Variants in ERC1 observed in about 807,000 individuals in gnomAD.
ERC1 encodes the protein RAB6 interacting protein 2.
In ERC1, 56 loss-of-function variants were observed where a neutral mutation model predicts 132.0. The observed-to-expected ratio is 0.42, with a 90% CI of 0.34 to 0.53. The LOEUF is 0.53. Ranked by LOEUF, ERC1 falls within the 20% of genes least tolerant of loss-of-function variation. The pLI is 0.03. For synonymous variants in ERC1, 478 were observed against 476.1 expected (o/e 1.00, Z -0.05); for missense variants, 1,202 against 1,349.9 (o/e 0.89, Z 1.72).
At chr12:1,083,808 C>T (rs77060400) in intron 3 of ERC1, among the ~76,000 whole-genome samples, 1,714 of 152,184 alleles carry the variant, frequency 0.011, 25 homozygotes, top group African/African-American at 0.039. Flanking sequence ...TCTTTTCTCT[C>T]CTGCTCCCCT....
At chr12:997,345 C>T (rs561747593) in intron 1 of ERC1, among the ~76,000 whole-genome samples, 2 of 152,260 alleles carry the variant, frequency 1.3e-5, no homozygotes, top group Admixed American at 6.5e-5. Context: ...GTGGAAAGTA[C>T]GAACATATGT....
intron 18 of ERC1, among the ~76,000 whole-genome samples, chr12:1,467,114 T>C (rs180740478): frequency 6.4e-4 from 98 of 152,368 alleles, no homozygotes; most frequent in Non-Finnish European, 1.2e-3. Context: ...TAGTTTTTAA[T>C]GTTATCAGAC....
chr12:1,083,453 G>A lies in ERC1; in HGVS notation c.959G>A (p.Gly320Glu). Residue 320 changes from glycine to glutamate, a missense_variant, in exon 3 of 19, where the codon GGA (glycine) becomes GAA (glutamate). Transcript: ENST00000360905. ...CTTCTGGAAATGTTGCAGAGCAAAG[G>A]ACTTTCTGCCAAGGCTACCGAGGAA... ...KKLLEMLQSK[G>E]LSAKATEEDH... 3 of 1,614,176 alleles carry A rather than the reference G, an allele frequency of 1.9e-6. No individual in the cohort carries two copies. The highest frequency in any genetic ancestry group is 2.5e-6 in the Non-Finnish European group (3 of 1,180,024).
At chr12:1,093,892 TATATATAA>T (rs2154193451) in intron 3 of ERC1, among the ~76,000 whole-genome samples, 2 of 143,858 alleles carry the variant, frequency 1.4e-5, no homozygotes, top group East Asian at 4.0e-4. Context: ...TGTATTTATT[TATATATAA>T]ATATATATTT....
rs149728123 is a variant in ERC1 at position 1,436,014 on chromosome 12, G to T, written c.3025-8548G>T. Among the ~76,000 whole-genome samples the T allele has an allele frequency of 4.9e-4, 75 of 152,274 alleles. No homozygotes were observed. In the East Asian group the frequency reaches 0.012, roughly 24 times the overall value. On this transcript the variant is annotated intron_variant, in intron 17 of 18. Coordinates refer to ENST00000360905, the MANE Select transcript of ERC1 (RefSeq NM_178040.4). ...CATGATGAGACCCTCAGTGGCTATA[G>T]CCTAGCTGTGAGCACTCAGCAGTAG...
At chr12:1,357,115 G>A (rs575450046) in intron 15 of ERC1, among the ~76,000 whole-genome samples, 30 of 152,118 alleles carry the variant, frequency 2.0e-4, no homozygotes, top group South Asian at 4.2e-4. Flanking sequence ...GGATACTTAC[G>A]CATTGGAGCA....
intron 15 of ERC1, among the ~76,000 whole-genome samples, chr12:1,326,814 G>A (rs1336969868): frequency 6.6e-6 from 1 of 151,692 alleles, no homozygotes; most frequent in African/African-American, 2.4e-5. Context: ...AGAACTCCCT[G>A]TTTCTGCGTG....
Position 1,140,503 on chromosome 12 carries a change from G to A in ERC1, c.1570-1117G>A, listed in dbSNP as rs74057079. On this transcript the variant is annotated intron_variant, in intron 7 of 18. Transcript: ENST00000360905. ...TAAGTGTCGTGTCAGTGCTCAAAAA[G>A]TTCTGGAGTTTGGAGCATTTTGGAT... Among the ~76,000 whole-genome samples, 1,480 of 152,262 alleles carry A rather than the reference G, an allele frequency of 9.7e-3. 20 individuals are homozygous for A. The highest frequency in any genetic ancestry group is 0.032 in the African/African-American group (1,350 of 41,554).
intron 2 of ERC1, among the ~76,000 whole-genome samples, chr12:1,041,497 G>A (rs899381626): frequency 2.2e-4 from 34 of 152,070 alleles, no homozygotes; most frequent in Admixed American, 6.5e-4. Context: ...GTGAGCCACC[G>A]TACCCAGCCT....
chr12:1,225,494 G>A (rs966918252), intron 12 of ERC1, among the ~76,000 whole-genome samples: 77 of 126,132 alleles, frequency 6.1e-4, no homozygotes, highest in Non-Finnish European at 1.2e-3. Flanking sequence ...ACACACACAC[G>A]GAGTGGTTGA....
chr12:1,229,473 A>G (rs1364786557), intron 12 of ERC1, among the ~76,000 whole-genome samples: 2 of 152,156 alleles, frequency 1.3e-5, no homozygotes, highest in Admixed American at 6.5e-5. Context: ...AGCCTGGACA[A>G]CAAAGCAAGA....
rs1280593593 is a variant in ERC1, at chr12:1,033,143, T to C, written c.669+4571T>C. On this transcript the variant is annotated intron_variant, in intron 2 of 18. Transcript: ENST00000360905. Reference sequence around the variant, plus strand: ...GCTCCACCTCCCGGGTTAATGCCATTCTCCTGCCTCAGCCTCCTGAGTAGC... The same window carrying C: ...GCTCCACCTCCCGGGTTAATGCCATCCTCCTGCCTCAGCCTCCTGAGTAGC... 2.0e-5 allele frequency among the ~76,000 whole-genome samples: 3 copies of C among 152,078 alleles called. No individual in the cohort carries two copies. In the East Asian group the frequency reaches 5.8e-4, roughly 29 times the overall value.
chr12:1,298,986 C>A (rs1450312648), intron 15 of ERC1, among the ~76,000 whole-genome samples: 2 of 152,010 alleles, frequency 1.3e-5, no homozygotes, highest in African/African-American at 4.8e-5. Flanking sequence ...ACATAATAAT[C>A]CTAATAAATA....
chr12:996,862 T>G (rs1961033445), intron 1 of ERC1, among the ~76,000 whole-genome samples: 1 of 152,236 alleles, frequency 6.6e-6, no homozygotes, highest in African/African-American at 2.4e-5. Flanking sequence ...CATTACCTAT[T>G]CTAAAATTGC....
intron 17 of ERC1, among the ~76,000 whole-genome samples, chr12:1,427,784 A>G (rs2092683598): frequency 6.6e-6 from 1 of 152,206 alleles, no homozygotes; most frequent in African/African-American, 2.4e-5. Flanking sequence ...AAATGTAATA[A>G]TGTAGTCAGT....
intron 17 of ERC1, among the ~76,000 whole-genome samples, chr12:1,418,612 TTTCTTTC>T: frequency 9.4e-6 from 1 of 106,882 alleles, no homozygotes; most frequent in South Asian, 2.7e-4. Context: ...TCTTTCTTTC[TTTCTTTC>T]TTTCTTTCTT....
intron 15 of ERC1, among the ~76,000 whole-genome samples, chr12:1,306,309 G>A (rs1166408421): frequency 6.6e-6 from 1 of 152,188 alleles, no homozygotes; most frequent in Non-Finnish European, 1.5e-5. Context: ...CTGCTGGGAA[G>A]TAGACCAGGT....
Position 1,468,991 on chromosome 12 carries a change from C to T in ERC1, c.3214-21102C>T, listed in dbSNP as rs144039035. ...TTCTCCTTCACGAATGTTAACTCCTCTGCAGGATGCCACAGGGACATTTGC... is the reference window on the plus strand; with the variant it reads ...TTCTCCTTCACGAATGTTAACTCCTTTGCAGGATGCCACAGGGACATTTGC... On this transcript the variant is annotated intron_variant, in intron 18 of 18. Transcript: ENST00000360905. Among the ~76,000 whole-genome samples the T allele has an allele frequency of 2.0e-4, 31 of 152,346 alleles. No homozygotes were observed. The East Asian group carries it at 5.0e-3, about 25-fold the overall frequency.
chr12:1,221,445 T>G (rs1958975998), intron 12 of ERC1, among the ~76,000 whole-genome samples: 1 of 152,196 alleles, frequency 6.6e-6, no homozygotes, highest in Admixed American at 6.5e-5. Flanking sequence ...TGCAGTTTCC[T>G]TGCTGATTAA....
Sources: allele counts gnomAD v4.1 joint callset (sites outside exome capture counted in the v4.1 genomes callset), GRCh38; gene constraint gnomAD v4.1.1; transcripts MANE v1.5; gene names NCBI Gene and HGNC (gene_info 2026-07-23, HGNC 2026-07-21).